The following SPAG16 variants were observed in gnomAD, a reference collection of about 807,000 sequenced individuals.
SPAG16 encodes the protein sperm associated antigen 16.
Under a neutral mutation model 80.4 loss-of-function variants are expected in SPAG16, and 86 were observed. The observed-to-expected ratio is 1.07, with a 90% confidence interval of 0.90 to 1.28. The LOEUF is 1.28. SPAG16 is among the 50% of genes most tolerant of loss of function. The pLI is 0.00. For missense variants in SPAG16, 870 were observed against 765.3 expected, an observed-to-expected ratio of 1.14 and a Z score of -1.61; for synonymous variants, 294 against 265.9, an observed-to-expected ratio of 1.11 and a Z score of -1.03.
intron 10 of SPAG16, among the ~76,000 whole-genome samples, chr2:213,801,630 A>G (rs2071411872): frequency 6.6e-6 from 1 of 152,236 alleles, no homozygotes; most frequent in Non-Finnish European, 1.5e-5. Flanking sequence ...AAATAAGCCA[A>G]GATAGGAGAT....
Position 213,825,149 on chromosome 2 carries a change from A to G in SPAG16, c.1071-37336A>G, listed in dbSNP as rs1479045702. ...GGTGGAGTCTTGGATTTCTCCAAAT[A>G]TAAGATTATATTATCTGCAAACAAG... On this transcript the variant is annotated intron_variant, in intron 10 of 15. Coordinates refer to ENST00000331683, the MANE Select transcript of SPAG16 (RefSeq NM_024532.5). Among the ~76,000 whole-genome samples, 4 of 152,144 alleles carry G rather than the reference A, an allele frequency of 2.6e-5. No homozygotes were observed. The East Asian group carries it at 7.7e-4, about 29-fold the overall frequency.
At chr2:213,360,338 A>G (rs931145194) in intron 7 of SPAG16, among the ~76,000 whole-genome samples, 1 of 152,268 alleles carries the variant, frequency 6.6e-6, no homozygotes, top group Non-Finnish European at 1.5e-5. Flanking sequence ...TCCTAGTTAT[A>G]GGACAAGCTG....
At chr2:214,165,155 A>G (rs1489590815) in intron 15 of SPAG16, among the ~76,000 whole-genome samples, 3 of 152,048 alleles carry the variant, frequency 2.0e-5, no homozygotes, top group African/African-American at 4.8e-5. Flanking sequence ...TTAGTTTGAG[A>G]ATCTCTTTGA....
chr2:213,341,118 T>C (rs1477255863), intron 6 of SPAG16, among the ~76,000 whole-genome samples: 1 of 152,216 alleles, frequency 6.6e-6, no homozygotes, highest in African/African-American at 2.4e-5. Context: ...CATTACTTTG[T>C]AATACAGCTA....
chr2:213,753,727 G>T (rs904669626), intron 10 of SPAG16, among the ~76,000 whole-genome samples: 5 of 152,156 alleles, frequency 3.3e-5, no homozygotes, highest in Non-Finnish European at 5.9e-5. Context: ...TATGGCAGCA[G>T]GTTCTTCCAG....
At chr2:214,293,329 T>A (rs1405529384) in intron 15 of SPAG16, among the ~76,000 whole-genome samples, 1 of 152,164 alleles carries the variant, frequency 6.6e-6, no homozygotes, top group African/African-American at 2.4e-5. Flanking sequence ...TCCCTTGACC[T>A]GCAGCTGGCT....
intron 10 of SPAG16, among the ~76,000 whole-genome samples, chr2:213,861,078 G>C (rs1430509326): frequency 6.6e-6 from 1 of 152,076 alleles, no homozygotes; most frequent in Non-Finnish European, 1.5e-5. Flanking sequence ...ATGATGAATT[G>C]CAAAATGAAT....
intron 10 of SPAG16, among the ~76,000 whole-genome samples, chr2:213,739,492 ACT>A (rs1399719100): frequency 4.6e-5 from 7 of 152,178 alleles, no homozygotes. Context: ...TTAAAAATAA[ACT>A]CTTAATCTAG....
At chr2:213,662,799 C>T (rs2125189117) in intron 10 of SPAG16, among the ~76,000 whole-genome samples, 1 of 151,832 alleles carries the variant, frequency 6.6e-6, no homozygotes, top group South Asian at 2.1e-4. Context: ...AAAATTATGA[C>T]AGATTATGAG....
chr2:213,615,661 T>A (rs2061569802), intron 10 of SPAG16, among the ~76,000 whole-genome samples: 1 of 152,178 alleles, frequency 6.6e-6, no homozygotes, highest in South Asian at 2.1e-4. Flanking sequence ...CATGACAATG[T>A]ATTAACTTAA....
intron 11 of SPAG16, among the ~76,000 whole-genome samples, chr2:213,903,630 C>T (rs764839999): frequency 2.0e-5 from 3 of 152,182 alleles, no homozygotes; most frequent in Admixed American, 6.5e-5. Context: ...CTGACATGCC[C>T]TGGACATATT....
At chr2:214,284,626 G>C (rs16851712) in intron 15 of SPAG16, among the ~76,000 whole-genome samples, 8,625 of 152,282 alleles carry the variant, frequency 0.057, 843 homozygotes, top group African/African-American at 0.2. Flanking sequence ...ACTCTGTTGA[G>C]ATCTACAGAT....
At chr2:214,048,231 T>TA (rs1177139221) in intron 13 of SPAG16, among the ~76,000 whole-genome samples, 15 of 152,286 alleles carry the variant, frequency 9.8e-5, no homozygotes, top group African/African-American at 3.6e-4. Context: ...ATAGAGGAGA[T>TA]ACCTGCACTT....
chr2:213,410,671 A>G (rs1369444709), intron 9 of SPAG16, among the ~76,000 whole-genome samples: 2 of 152,248 alleles, frequency 1.3e-5, no homozygotes, highest in African/African-American at 4.8e-5. Flanking sequence ...CCAAGATGCA[A>G]ATGCCTAGTT....
chr2:213,994,073 T>A (rs1384208551), intron 12 of SPAG16, among the ~76,000 whole-genome samples: 2 of 152,210 alleles, frequency 1.3e-5, no homozygotes, highest in East Asian at 3.8e-4. Flanking sequence ...TTGAGAATAA[T>A]TAGTGTGATA....
At chr2:214,038,713 C>G (rs2048844289) in intron 13 of SPAG16, among the ~76,000 whole-genome samples, 1 of 145,144 alleles carries the variant, frequency 6.9e-6, no homozygotes, top group Admixed American at 7.0e-5. Flanking sequence ...CCACAACAAG[C>G]CCTGGTGTGT....
At chr2:213,602,833 A>G (rs1469282929) in intron 10 of SPAG16, among the ~76,000 whole-genome samples, 1 of 152,110 alleles carries the variant, frequency 6.6e-6, no homozygotes, top group Non-Finnish European at 1.5e-5. Context: ...ATCTCATTTT[A>G]TTTATTTTTC....
At chr2:213,722,467 A>C (rs529436849) in intron 10 of SPAG16, among the ~76,000 whole-genome samples, 2 of 152,268 alleles carry the variant, frequency 1.3e-5, no homozygotes, top group South Asian at 4.1e-4. Context: ...AGGCCTAGCT[A>C]TATAGGGCAG....
At chr2:213,361,861 C>T (rs2371889) in intron 7 of SPAG16, among the ~76,000 whole-genome samples, 147,639 of 151,354 alleles carry the variant, frequency 0.98, 72,111 homozygotes, top group East Asian at 1. Flanking sequence ...ACTTGTGGAA[C>T]TGAATTTGCT....
Sources: allele counts gnomAD v4.1 joint callset (sites outside exome capture counted in the v4.1 genomes callset), GRCh38; gene constraint gnomAD v4.1.1; transcripts MANE v1.5; gene names NCBI Gene and HGNC (gene_info 2026-07-23, HGNC 2026-07-21).